Variants in HELZ observed in about 807,000 individuals in gnomAD.
The protein encoded by HELZ is helicase with zinc finger.
Under a neutral mutation model 218.2 loss-of-function variants are expected in HELZ, and 23 were observed. The observed-to-expected ratio is 0.11, with a 90% CI of 0.08 to 0.15. The LOEUF (loss-of-function observed/expected upper bound fraction) is 0.15. Ranked by LOEUF, HELZ falls within the 10% of genes least tolerant of loss-of-function variation. The pLI is 1.00. For synonymous variants in HELZ, 814 were observed against 829.4 expected (o/e 0.98, Z 0.32); for missense variants, 1,813 against 2,353.7 (o/e 0.77, Z 4.75).
chr17:67,167,408 G>C (rs186765889), intron 14 of HELZ, 55 bp downstream of exon 14: 3 of 1,267,150 alleles, frequency 2.4e-6, no homozygotes. Context: ...GGAAGACTAC[G>C]AGCTGATAAT....
chr17:67,145,653 A>G (rs1266070348), intron 21 of HELZ, 90 bp downstream of exon 21: 3 of 996,256 alleles, frequency 3.0e-6, no homozygotes, highest in Non-Finnish European at 4.5e-6. Context: ...ATGCAATACA[A>G]TGTCAACCCA....
rs2040161782 is a variant in HELZ at position 67,201,251 on chromosome 17, C to T, written c.373-66G>A. On this transcript the variant is annotated intron_variant, in intron 6 of 32. Coordinates refer to ENST00000358691, the MANE Select transcript of HELZ (RefSeq NM_014877.4). Reference sequence around the variant, plus strand: ...TTAATTCTTTACTATGGCAACTTAGCTCAATTCCTCTGTTGTTTCTGAGTT... The same window carrying T: ...TTAATTCTTTACTATGGCAACTTAGTTCAATTCCTCTGTTGTTTCTGAGTT... 5.2e-6 allele frequency: 5 copies of T among 970,584 alleles called. No homozygotes were observed. The East Asian group carries it at 1.2e-4, about 23-fold the overall frequency. The allele number at this position is 970,584 out of a possible 1,614,324, so 60.1% of individuals were successfully genotyped here. A position where few individuals can be genotyped will look rare whatever the true frequency, so the allele number is the denominator to read the frequency against.
chr17:67,138,952 AAG>A (rs1395346598), intron 21 of HELZ, among the ~76,000 whole-genome samples: 1 of 152,158 alleles, frequency 6.6e-6, no homozygotes, highest in Non-Finnish European at 1.5e-5. Context: ...TTATTTAGAA[AAG>A]AGAGTCATAA....
chr17:67,199,482 G>A (rs2040115692), intron 7 of HELZ, among the ~76,000 whole-genome samples: 1 of 151,990 alleles, frequency 6.6e-6, no homozygotes, highest in South Asian at 2.1e-4. Flanking sequence ...CAAAGTGCTG[G>A]GATTATAGGC....
In HELZ at chr17:67,114,315, G is replaced by A. The variant is rs1252684959; in HGVS notation, c.3918+9C>T. ...TCCACTAGGACAACACAGTAACTAA[G>A]CAGCATACCTGTTTTGGTTCTGTTG... On this transcript the variant is annotated intron_variant, in intron 28 of 32. Coordinates refer to ENST00000358691, the MANE Select transcript of HELZ (RefSeq NM_014877.4). 1.3e-6 allele frequency: 2 copies of A among 1,575,874 alleles called. No individual in the cohort carries two copies. The highest frequency in any genetic ancestry group is 1.7e-5 in the Admixed American group (1 of 59,986).
intron 31 of HELZ, among the ~76,000 whole-genome samples, chr17:67,100,517 T>G (rs2143689187): frequency 6.6e-6 from 1 of 152,314 alleles, no homozygotes; most frequent in South Asian, 2.1e-4. Context: ...AAAAGGATTT[T>G]CTATTTATTC....
At chr17:67,199,559 C>T (rs887818463) in intron 7 of HELZ, among the ~76,000 whole-genome samples, 1 of 152,054 alleles carries the variant, frequency 6.6e-6, no homozygotes, top group African/African-American at 2.4e-5. Flanking sequence ...TACTTTTGTA[C>T]CAACCTAATA....
intron 31 of HELZ, among the ~76,000 whole-genome samples, chr17:67,104,327 T>C (rs191169785): frequency 6.6e-6 from 1 of 151,872 alleles, no homozygotes; most frequent in Admixed American, 6.6e-5. Flanking sequence ...TAGTTCCAGC[T>C]ATTCCGGAGG....
intron 32 of HELZ, among the ~76,000 whole-genome samples, chr17:67,081,304 T>C (rs1472479962): frequency 6.6e-6 from 1 of 152,186 alleles, no homozygotes; most frequent in Non-Finnish European, 1.5e-5. Context: ...GGGGTCTCTT[T>C]GGGACAACAG....
intron 7 of HELZ, among the ~76,000 whole-genome samples, chr17:67,196,298 G>A (rs1276816706): frequency 6.6e-6 from 1 of 152,120 alleles, no homozygotes; most frequent in Non-Finnish European, 1.5e-5. Context: ...AACATCCTCA[G>A]ATAAACCACC....
At chr17:67,142,194 C>A (rs2038348691) in intron 21 of HELZ, among the ~76,000 whole-genome samples, 1 of 151,984 alleles carries the variant, frequency 6.6e-6, no homozygotes, top group African/African-American at 2.4e-5. Context: ...CCAACCATAT[C>A]AGTAACATTA....
At chr17:67,243,553 G>T (rs1187552522) in intron 2 of HELZ, among the ~76,000 whole-genome samples, 1 of 152,128 alleles carries the variant, frequency 6.6e-6, no homozygotes, top group Admixed American at 6.5e-5. Context: ...GTAACATTTG[G>T]CTCTTAGTTA....
Position 67,160,379 on chromosome 17 carries a change from T to C in HELZ, c.2076-17A>G, listed in dbSNP as rs2038961677. The stretch of plus-strand genomic sequence containing the variant: ...ATGAGAATCCTGCTGAAATAAATGG[T>C]GCAAATAAAAAGAATGATAAAACAC... On this transcript the variant is annotated splice_polypyrimidine_tract_variant and intron_variant, in intron 16 of 32. Coordinates refer to ENST00000358691, the MANE Select transcript of HELZ (RefSeq NM_014877.4). 6.5e-7 allele frequency: 1 copy of C among 1,539,100 alleles called. No individual in the cohort carries two copies. The highest frequency in any genetic ancestry group is 1.4e-5 in the African/African-American group (1 of 73,242).
intron 6 of HELZ, among the ~76,000 whole-genome samples, chr17:67,202,813 A>C (rs957089425): frequency 7.9e-5 from 12 of 152,350 alleles, no homozygotes; most frequent in Middle Eastern, 6.8e-3. Flanking sequence ...AACTACAAGA[A>C]TTAATAATTA....
At chr17:67,233,920 C>A (rs2041104891) in intron 3 of HELZ, among the ~76,000 whole-genome samples, 1 of 151,764 alleles carries the variant, frequency 6.6e-6, no homozygotes, top group African/African-American at 2.4e-5. Context: ...GTGTCGGGCA[C>A]CTGTAATCCC....
intron 3 of HELZ, among the ~76,000 whole-genome samples, chr17:67,238,296 G>A (rs190956402): frequency 0.011 from 1,569 of 145,632 alleles, 19 homozygotes; most frequent in South Asian, 0.018. Context: ...GCAGTGAGCT[G>A]AGATTGCACC....
chr17:67,207,383 C>T (rs1417999595), intron 5 of HELZ, among the ~76,000 whole-genome samples: 1 of 151,628 alleles, frequency 6.6e-6, no homozygotes, highest in African/African-American at 2.4e-5. Context: ...CCACACCTGG[C>T]TGATTTTTGC....
intron 24 of HELZ, chr17:67,128,427 A>G: frequency 1.8e-6 from 1 of 554,368 alleles, no homozygotes; most frequent in South Asian, 2.4e-5. Context: ...AGTTATCAGT[A>G]TTAAAAATTG....
Position 67,160,242 on chromosome 17 carries a change from T to C in HELZ, c.2177+19A>G. 1 of 1,354,820 alleles carries C rather than the reference T, an allele frequency of 7.4e-7. No homozygotes were observed. Among genetic ancestry groups the C allele is most frequent in the Non-Finnish European group, 1.1e-6 (1 of 944,488 alleles). 83.9% of individuals were successfully genotyped at this position (1,354,820 alleles called of 1,614,324 possible). On this transcript the variant is annotated intron_variant, in intron 17 of 32. Transcript: ENST00000358691. ...AATAAAGTATGATACAGATACATAATAAGCCTTAAAAAAAATACCTGAGAG... is the reference window on the plus strand; with the variant it reads ...AATAAAGTATGATACAGATACATAACAAGCCTTAAAAAAAATACCTGAGAG...
Sources: gnomAD v4.1 joint callset for allele counts (sites outside exome capture counted in the v4.1 genomes callset) on GRCh38, gnomAD v4.1.1 for gene constraint, MANE v1.5 for transcripts, NCBI Gene and HGNC (gene_info 2026-07-23, HGNC 2026-07-21) for gene names.